The following KITLG variants were observed in gnomAD, a reference collection of about 807,000 sequenced individuals.
KITLG encodes c-Kit ligand.
Under a neutral mutation model 34.1 loss-of-function variants are expected in KITLG, and 13 were observed. The ratio of observed to expected loss-of-function variants is 0.38; its 90% CI spans 0.25 to 0.61. The LOEUF (loss-of-function observed/expected upper bound fraction) is 0.61, where lower values mean the gene tolerates loss of function less well. Ranked by LOEUF, KITLG falls within the 20% of genes least tolerant of loss-of-function variation. The pLI is 0.60. For missense variants in KITLG, 292 were observed against 318.9 expected (o/e 0.92, Z 0.64); for synonymous variants, 110 against 104.0 (o/e 1.06, Z -0.35).
In KITLG at chr12:88,516,404, G is replaced by A. The variant is rs1869457078; in HGVS notation, c.450C>T (p.Ala150=). The A allele has an allele frequency of 1.9e-6, 3 of 1,610,080 alleles. No individual in the cohort carries two copies. Among genetic ancestry groups the A allele is most frequent in the Non-Finnish European group, 2.5e-6 (3 of 1,177,100 alleles). The change falls in exon 5 of 10, where the codon GCC becomes GCT. Residue 150 remains alanine (A), a synonymous_variant. Transcript: ENST00000644744. ...FFRIFNRSID[A]FKDFVVASET... is the part of the protein sequence containing the mutation. The stretch of plus-strand genomic sequence containing the variant: ...CAGATGCCACTACAAAGTCCTTGAA[G>A]GCATCAATGGATCTATTAAAAATTC...
chr12:88,570,975 G>A (rs1251587387), intron 1 of KITLG, among the ~76,000 whole-genome samples: 1 of 152,060 alleles, frequency 6.6e-6, no homozygotes, highest in Non-Finnish European at 1.5e-5. Flanking sequence ...CAACAGAAAG[G>A]GGAGAAAAGT....
At chr12:88,568,070 C>G (rs2120974836) in intron 1 of KITLG, among the ~76,000 whole-genome samples, 1 of 147,570 alleles carries the variant, frequency 6.8e-6, no homozygotes, top group African/African-American at 2.5e-5. Flanking sequence ...TCTGAATGGA[C>G]AGTATAGTAT....
intron 1 of KITLG, among the ~76,000 whole-genome samples, chr12:88,569,830 A>C (rs575647968): frequency 3.9e-5 from 6 of 152,184 alleles, no homozygotes; most frequent in African/African-American, 1.4e-4. Context: ...GATGCTGCTG[A>C]TAAGGTTGTG....
intron 1 of KITLG, among the ~76,000 whole-genome samples, chr12:88,570,006 A>C (rs1034121738): frequency 1.3e-5 from 2 of 152,238 alleles, no homozygotes; most frequent in African/African-American, 4.8e-5. Flanking sequence ...ATAATTTCCT[A>C]ATATGATCAC....
chr12:88,561,836 G>C (rs988323234), intron 1 of KITLG, among the ~76,000 whole-genome samples: 2 of 152,186 alleles, frequency 1.3e-5, no homozygotes, highest in Non-Finnish European at 2.9e-5. Context: ...GCTGCTGCCA[G>C]TTTTCTCCTT....
At chr12:88,512,458 G>A (rs1869311760) in intron 6 of KITLG, among the ~76,000 whole-genome samples, 2 of 151,948 alleles carry the variant, frequency 1.3e-5, no homozygotes, top group Admixed American at 6.6e-5. Flanking sequence ...TGAGAGGATA[G>A]ATAAAATGGA....
At chr12:88,574,980 T>C (rs1459756377) in intron 1 of KITLG, among the ~76,000 whole-genome samples, 1 of 152,166 alleles carries the variant, frequency 6.6e-6, no homozygotes, top group East Asian at 1.9e-4. Flanking sequence ...CTCCTTCATT[T>C]CTCCCCATTG....
intron 2 of KITLG, among the ~76,000 whole-genome samples, chr12:88,538,302 G>A (rs988609581): frequency 6.6e-6 from 1 of 151,858 alleles, no homozygotes. Flanking sequence ...AGGTCAAATG[G>A]TAGGTAGTAA....
chr12:88,538,938 T>C (rs111941832), intron 2 of KITLG, among the ~76,000 whole-genome samples: 153 of 152,282 alleles, frequency 1.0e-3, no homozygotes, highest in African/African-American at 3.5e-3. Flanking sequence ...ACTGTCTTCT[T>C]TGGATGTCTT....
chr12:88,527,897 A>C (rs1396829789), intron 3 of KITLG, among the ~76,000 whole-genome samples: 3 of 152,202 alleles, frequency 2.0e-5, no homozygotes, highest in Non-Finnish European at 4.4e-5. Flanking sequence ...GGACTGTCTC[A>C]TTCAAAAATG....
intron 2 of KITLG, among the ~76,000 whole-genome samples, chr12:88,535,249 T>C (rs10506955): frequency 0.088 from 13,424 of 152,160 alleles, 628 homozygotes; most frequent in Non-Finnish European, 0.1. Flanking sequence ...GAAATCTACA[T>C]TCTACCACTG....
intron 2 of KITLG, among the ~76,000 whole-genome samples, chr12:88,539,453 A>G (rs1870442771): frequency 6.6e-6 from 1 of 152,122 alleles, no homozygotes; most frequent in African/African-American, 2.4e-5. Flanking sequence ...GTAGCTTACT[A>G]TGTTAGTTGT....
chr12:88,566,579 C>A (rs761480342), intron 1 of KITLG, among the ~76,000 whole-genome samples: 6 of 152,106 alleles, frequency 3.9e-5, no homozygotes, highest in Admixed American at 6.5e-5. Flanking sequence ...TACCCAAATG[C>A]GAGGCCCTCA....
At chr12:88,538,301 G>T (rs1320208636) in intron 2 of KITLG, among the ~76,000 whole-genome samples, 1 of 151,942 alleles carries the variant, frequency 6.6e-6, no homozygotes, top group South Asian at 2.1e-4. Context: ...GAGGTCAAAT[G>T]GTAGGTAGTA....
chr12:88,525,178 T>C (rs1363108818), intron 3 of KITLG, among the ~76,000 whole-genome samples: 2 of 152,194 alleles, frequency 1.3e-5, no homozygotes, highest in African/African-American at 4.8e-5. Flanking sequence ...ACAAATAGAA[T>C]GAGGCGGAGA....
intron 1 of KITLG, among the ~76,000 whole-genome samples, chr12:88,557,095 T>C (rs909754017): frequency 6.6e-6 from 1 of 152,192 alleles, no homozygotes; most frequent in Non-Finnish European, 1.5e-5. Context: ...AAAAGTTCAC[T>C]TCGGTCTTGG....
chr12:88,504,738 A>AT (rs1164941619), intron 9 of KITLG, among the ~76,000 whole-genome samples: 1 of 152,200 alleles, frequency 6.6e-6, no homozygotes, highest in African/African-American at 2.4e-5. Context: ...TAGAAACACC[A>AT]TTTGACCCAG....
In KITLG at chr12:88,515,565, G is replaced by A. The variant is rs1345967084; in HGVS notation, c.573C>T (p.Ser191=). ...TGCTACTGCTGTCATTCCTAAGGGA[G>A]CTGGCTGCAACAGGGGGTAACATAA... ...KPFMLPPVAA[S]SLRNDSSSSN... Residue 191 remains serine (S), a synonymous_variant, in exon 6 of 10, where the codon AGC becomes AGT. Coordinates refer to ENST00000644744, the MANE Select transcript of KITLG (RefSeq NM_000899.5). 23 of 1,610,720 alleles carry A rather than the reference G, an allele frequency of 1.4e-5. No homozygotes were observed. The highest frequency in any genetic ancestry group is 1.9e-5 in the Non-Finnish European group (22 of 1,177,496).
chr12:88,542,923 C>T (rs1436813694), intron 2 of KITLG, among the ~76,000 whole-genome samples: 1 of 152,092 alleles, frequency 6.6e-6, no homozygotes, highest in African/African-American at 2.4e-5. Flanking sequence ...CAGATGATAA[C>T]TAGTCATAAT....
Sources: allele counts gnomAD v4.1 joint callset (sites outside exome capture counted in the v4.1 genomes callset), GRCh38; gene constraint gnomAD v4.1.1; transcripts MANE v1.5; gene names NCBI Gene and HGNC (gene_info 2026-07-23, HGNC 2026-07-21).